The following NKAIN3 variants were observed in gnomAD, a reference collection of about 807,000 sequenced individuals.
NKAIN3 encodes sodium/potassium transporting ATPase interacting 3.
NKAIN3 carries 25 observed loss-of-function variants against 30.2 expected under a neutral mutation model. The ratio of observed to expected loss-of-function variants is 0.83; its 90% CI spans 0.60 to 1.16. The LOEUF (loss-of-function observed/expected upper bound fraction) is 1.16, where lower values mean the gene tolerates loss of function less well. NKAIN3 is among the 50% of genes most tolerant of loss of function. The probability of loss-of-function intolerance (pLI) is 0.00; values close to 1 mark genes in which losing one functional copy is unlikely to be tolerated. For synonymous variants in NKAIN3, 91 were observed against 89.6 expected (o/e 1.02, Z -0.09); for missense variants, 225 against 254.1 (o/e 0.89, Z 0.78).
intron 5 of NKAIN3, among the ~76,000 whole-genome samples, chr8:62,943,698 T>C (rs979498790): frequency 8.0e-5 from 12 of 149,888 alleles, no homozygotes; most frequent in Non-Finnish European, 1.6e-4. Context: ...TGTGTGTGTG[T>C]GTATATATAT....
chr8:62,884,525 G>A (rs566385889), intron 4 of NKAIN3, among the ~76,000 whole-genome samples: 2 of 152,290 alleles, frequency 1.3e-5, no homozygotes, highest in South Asian at 2.1e-4. Flanking sequence ...CCAAAGTGCT[G>A]GGATTACAGG....
At chr8:62,953,839 T>C in intron 5 of NKAIN3, 63 bp from the exon 6 acceptor site, 2 of 393,206 alleles carry the variant, frequency 5.1e-6, no homozygotes, top group Non-Finnish European at 6.9e-6. Context: ...CATTCTATTT[T>C]AAACATTAGT....
intron 5 of NKAIN3, among the ~76,000 whole-genome samples, chr8:62,953,349 G>A (rs1823336045): frequency 6.6e-6 from 1 of 152,136 alleles, no homozygotes; most frequent in Non-Finnish European, 1.5e-5. Flanking sequence ...AAACTGGAAA[G>A]AATATTACAA....
At position 62,972,329 on chromosome 8, in the gene NKAIN3, T is replaced by C. The variant is rs1823852197; in HGVS notation, c.*6922T>C. 6.6e-6 allele frequency among the ~76,000 whole-genome samples: 1 copy of C among 152,068 alleles called. No individual in the cohort carries two copies. The highest frequency in any genetic ancestry group is 1.5e-5 in the Non-Finnish European group (1 of 68,002). On this transcript the variant is annotated 3_prime_UTR_variant, in exon 7 of 7. Coordinates refer to ENST00000623646, the MANE Select transcript of NKAIN3 (RefSeq NM_001304533.3). Reference sequence around the variant, plus strand: ...CAAATTGTCCAAAAAAATATACAAGTGAGGGAATTAATAAAATTTTTTGTA... The same window carrying C: ...CAAATTGTCCAAAAAAATATACAAGCGAGGGAATTAATAAAATTTTTTGTA...
intron 5 of NKAIN3, among the ~76,000 whole-genome samples, chr8:62,950,229 T>C (rs1280751343): frequency 6.6e-6 from 1 of 152,220 alleles, no homozygotes; most frequent in Non-Finnish European, 1.5e-5. Flanking sequence ...TTAAAAAAGC[T>C]TTAAGAATCT....
intron 1 of NKAIN3, among the ~76,000 whole-genome samples, chr8:62,284,697 C>T (rs1159354026): frequency 1.3e-5 from 2 of 152,040 alleles, no homozygotes; most frequent in East Asian, 1.9e-4. Flanking sequence ...AAGTAAAGCT[C>T]ATTCAAGATC....
intron 3 of NKAIN3, among the ~76,000 whole-genome samples, chr8:62,717,352 GA>G (rs1784528358): frequency 6.6e-6 from 1 of 152,176 alleles, no homozygotes; most frequent in African/African-American, 2.4e-5. Context: ...TTTGGAAGGT[GA>G]CTTTTTTTAT....
chr8:62,646,682 A>T (rs184593348), intron 3 of NKAIN3, among the ~76,000 whole-genome samples: 1 of 152,274 alleles, frequency 6.6e-6, no homozygotes, highest in East Asian at 1.9e-4. Context: ...ACATTTTGTA[A>T]CCCTAAAAAT....
rs1412839313 is a variant in NKAIN3, at chr8:62,352,994, T to C, written c.54+103867T>C. ...GAAGAACAAGAGTCCATCTGCCTTC[T>C]TGTTACTTGATCAGTAATAAAATCA... is the stretch of plus-strand genomic sequence containing the variant. On this transcript the variant is annotated intron_variant, in intron 1 of 6. Coordinates refer to ENST00000623646, the MANE Select transcript of NKAIN3 (RefSeq NM_001304533.3). Among the ~76,000 whole-genome samples, 4 of 152,224 alleles carry C rather than the reference T, an allele frequency of 2.6e-5. No homozygotes were observed. In the East Asian group the frequency reaches 7.7e-4, roughly 29 times the overall value.
chr8:62,755,950 A>G (rs1490995220), intron 4 of NKAIN3, among the ~76,000 whole-genome samples: 1 of 152,134 alleles, frequency 6.6e-6, no homozygotes, highest in Non-Finnish European at 1.5e-5. Flanking sequence ...GCCAGGGTAC[A>G]CCTGGTCAGT....
At chr8:62,802,682 G>A (rs540894353) in intron 4 of NKAIN3, among the ~76,000 whole-genome samples, 13 of 152,256 alleles carry the variant, frequency 8.5e-5, no homozygotes, top group East Asian at 3.9e-4. Flanking sequence ...AAAGACCATC[G>A]AGGCTAGGAA....
At chr8:62,288,486 G>A (rs1011921071) in intron 1 of NKAIN3, among the ~76,000 whole-genome samples, 15 of 152,092 alleles carry the variant, frequency 9.9e-5, no homozygotes, top group Non-Finnish European at 1.8e-4. Context: ...GTGAGAACAC[G>A]TGGTGTTTGG....
rs758206669 is a variant in NKAIN3 at position 62,874,506 on chromosome 8, G to A, written c.472-43947G>A. On this transcript the variant is annotated intron_variant, in intron 4 of 6. Transcript: ENST00000623646. Reference sequence around the variant, plus strand: ...GCTGATACCAAAACAGGGAAGAGACGCAACAAAAAAAGAAAACTTCAGGCA... The same window carrying A: ...GCTGATACCAAAACAGGGAAGAGACACAACAAAAAAAGAAAACTTCAGGCA... Among the ~76,000 whole-genome samples, 17 of 152,140 alleles carry A rather than the reference G, an allele frequency of 1.1e-4. No homozygotes were observed. The East Asian group carries it at 1.4e-3, about 12-fold the overall frequency.
chr8:62,695,453 G>A (rs944905945), intron 3 of NKAIN3, among the ~76,000 whole-genome samples: 3 of 152,134 alleles, frequency 2.0e-5, no homozygotes, highest in African/African-American at 7.2e-5. Context: ...TAATAATGAG[G>A]TAAAAATAAT....
chr8:62,988,572 C>G (rs915463766), downstream of NKAIN3, among the ~76,000 whole-genome samples: 1 of 152,244 alleles, frequency 6.6e-6, no homozygotes, highest in Non-Finnish European at 1.5e-5. Flanking sequence ...TGAGCTGTAC[C>G]TTGTCCCCTT....
At chr8:62,738,266 T>C (rs1815741763) in intron 3 of NKAIN3, among the ~76,000 whole-genome samples, 1 of 152,140 alleles carries the variant, frequency 6.6e-6, no homozygotes, top group Non-Finnish European at 1.5e-5. Flanking sequence ...CTAATGACAG[T>C]GATGATGAGC....
chr8:62,845,842 C>T (rs1052119938), intron 4 of NKAIN3, among the ~76,000 whole-genome samples: 3 of 152,054 alleles, frequency 2.0e-5, no homozygotes, highest in African/African-American at 7.2e-5. Flanking sequence ...TTGTTCACCA[C>T]ACACCCAAAC....
At chr8:62,350,751 C>A (rs962154687) in intron 1 of NKAIN3, among the ~76,000 whole-genome samples, 1 of 151,892 alleles carries the variant, frequency 6.6e-6, no homozygotes, top group African/African-American at 2.4e-5. Context: ...AGGGCAGTGG[C>A]GCAATCTTGG....
chr8:62,307,298 A>G lies in NKAIN3; in HGVS notation c.54+58171A>G, dbSNP rs573455464. The stretch of plus-strand genomic sequence containing the variant: ...AAAAAAAAAAAAATTCTGAAAGTCA[A>G]TGGAAATCAAGCCAAAATTCTATAT... On this transcript the variant is annotated intron_variant, in intron 1 of 6. Coordinates refer to ENST00000623646, the MANE Select transcript of NKAIN3 (RefSeq NM_001304533.3). 7.5e-4 allele frequency among the ~76,000 whole-genome samples: 112 copies of G among 149,192 alleles called. 7 individuals carry two copies. Among genetic ancestry groups the G allele is most frequent in the Middle Eastern group, 3.5e-3 (1 of 288 alleles).
Sources: gnomAD v4.1 joint callset for allele counts (sites outside exome capture counted in the v4.1 genomes callset) on GRCh38, gnomAD v4.1.1 for gene constraint, MANE v1.5 for transcripts, NCBI Gene and HGNC (gene_info 2026-07-23, HGNC 2026-07-21) for gene names.